Variants in GYPC observed in about 807,000 individuals in gnomAD.
GYPC encodes glycophorin C (Gerbich blood group).
GYPC carries 14 observed loss-of-function variants against 12.6 expected under a neutral mutation model. That is an observed-to-expected ratio of 1.11 (90% CI 0.74 to 1.74). The LOEUF is 1.74. GYPC is among the 40% of genes most tolerant of loss of function. The probability of loss-of-function intolerance (pLI) is 0.00; values close to 1 mark genes in which losing one functional copy is unlikely to be tolerated. For missense variants in GYPC, 225 were observed against 172.1 expected (o/e 1.31, Z -1.72); for synonymous variants, 78 against 62.1 (o/e 1.26, Z -1.20).
intron 1 of GYPC, among the ~76,000 whole-genome samples, chr2:126,679,213 A>G (rs950147089): frequency 2.6e-5 from 4 of 152,184 alleles, no homozygotes; most frequent in Non-Finnish European, 5.9e-5. Flanking sequence ...ACAGGGGCCA[A>G]ATGGTCTGAA....
At chr2:126,677,461 GACA>G (rs1273765370) in intron 1 of GYPC, among the ~76,000 whole-genome samples, 9 of 150,526 alleles carry the variant, frequency 6.0e-5, no homozygotes, top group African/African-American at 2.2e-4. Context: ...ATAAGAGTGT[GACA>G]GTGTGTGTGT....
At chr2:126,656,540 C>G (rs893270274) in intron 1 of GYPC, among the ~76,000 whole-genome samples, 12 of 152,274 alleles carry the variant, frequency 7.9e-5, no homozygotes, top group Admixed American at 3.3e-4. Context: ...CGCGCAGCCT[C>G]CACGCGCTCC....
intron 1 of GYPC, chr2:126,675,632 A>T (rs1269084405): frequency 2.2e-5 from 21 of 964,800 alleles, no homozygotes; most frequent in Non-Finnish European, 2.6e-5. Context: ...AAAACTCTAG[A>T]GAATCCCCTT....
At chr2:126,673,681 T>C (rs1354066658) in intron 1 of GYPC, among the ~76,000 whole-genome samples, 1 of 152,150 alleles carries the variant, frequency 6.6e-6, no homozygotes, top group Non-Finnish European at 1.5e-5. Flanking sequence ...CCGTGCCAAC[T>C]CCTCTTCTCA....
rs1683646243 is a variant in GYPC, at chr2:126,696,387, AC to A, written c.*246del. On this transcript the variant is annotated 3_prime_UTR_variant, in exon 4 of 4. Coordinates refer to ENST00000259254, the MANE Select transcript of GYPC (RefSeq NM_002101.5). ...CACCCCAGAGGCCACCTTTTGCTCC[AC>A]GGAGGTGGGAGAAAATCTGGGCACA... 3 of 505,064 alleles carry A rather than the reference AC, an allele frequency of 5.9e-6. No individual in the cohort carries two copies. The East Asian group carries it at 1.1e-4, about 19-fold the overall frequency. The allele number at this position is 505,064 out of a possible 1,614,324, so 31.3% of individuals were successfully genotyped here.
intron 1 of GYPC, among the ~76,000 whole-genome samples, chr2:126,664,075 T>C (rs1370792412): frequency 6.6e-6 from 1 of 151,768 alleles, no homozygotes. Context: ...AGGCCTTGCT[T>C]GATCATGCCC....
chr2:126,669,977 T>C (rs1265178623), intron 1 of GYPC, among the ~76,000 whole-genome samples: 1 of 152,162 alleles, frequency 6.6e-6, no homozygotes, highest in Non-Finnish European at 1.5e-5. Flanking sequence ...CCCAGGGCTG[T>C]GGGAACAGAG....
chr2:126,692,308 C>T (rs899613795), intron 2 of GYPC, among the ~76,000 whole-genome samples: 4 of 152,060 alleles, frequency 2.6e-5, no homozygotes, highest in South Asian at 2.1e-4. Context: ...CCCCAGACAC[C>T]CCTAGCTTGG....
intron 1 of GYPC, among the ~76,000 whole-genome samples, chr2:126,684,644 C>T (rs1467014748): frequency 6.6e-6 from 1 of 152,212 alleles, no homozygotes; most frequent in Non-Finnish European, 1.5e-5. Flanking sequence ...GTCGGTTACA[C>T]AGCGTGCTCC....
In GYPC at chr2:126,696,295, C is replaced by T. The variant is rs1683643361; in HGVS notation, c.*153C>T. 5 of 708,692 alleles carry T rather than the reference C, an allele frequency of 7.1e-6. No individual in the cohort carries two copies. The highest frequency in any genetic ancestry group is 6.2e-5 in the Admixed American group (3 of 48,522). The allele number at this position is 708,692 out of a possible 1,614,324, so 43.9% of individuals were successfully genotyped here. On this transcript the variant is annotated 3_prime_UTR_variant, in exon 4 of 4. Transcript: ENST00000259254. ...CCACCTGGAAACACTAGGTGCCTGC[C>T]CAGGGAGGAACGGAGGAGGACTCGC...
chr2:126,681,771 C>T lies in GYPC; in HGVS notation c.50-8484C>T, dbSNP rs1683154432. 6.2e-5 allele frequency among the ~76,000 whole-genome samples: 6 copies of T among 97,198 alleles called. No individual in the cohort carries two copies. The South Asian group carries it at 1.9e-3, about 32-fold the overall frequency. 63.8% of individuals were successfully genotyped at this position (97,198 alleles called of 152,430 possible). On this transcript the variant is annotated intron_variant, in intron 1 of 3. Coordinates refer to ENST00000259254, the MANE Select transcript of GYPC (RefSeq NM_002101.5). ...TCCAGCCTGGGCAACAGAGCAAAAA[C>T]TTCATCCAAAAAAAAAAAAAAAAGA...
chr2:126,691,909 T>A (rs1454854406), intron 2 of GYPC, among the ~76,000 whole-genome samples: 4 of 152,180 alleles, frequency 2.6e-5, no homozygotes, highest in African/African-American at 9.6e-5. Context: ...CATCCATGCC[T>A]ACTTAAGCAA....
chr2:126,670,773 G>T (rs1275936434), intron 1 of GYPC, among the ~76,000 whole-genome samples: 5 of 152,138 alleles, frequency 3.3e-5, no homozygotes, highest in African/African-American at 1.2e-4. Flanking sequence ...CAACAGGAGG[G>T]CTGCAAACTG....
chr2:126,657,271 T>C (rs549791747), intron 1 of GYPC, among the ~76,000 whole-genome samples: 2 of 152,342 alleles, frequency 1.3e-5, no homozygotes, highest in Non-Finnish European at 2.9e-5. Context: ...CGGCACTCCA[T>C]GTGCCTGTGG....
At chr2:126,656,613 CGGGGCATGTGAAATGTGT>C (rs1682364881) in intron 1 of GYPC, among the ~76,000 whole-genome samples, 1 of 152,250 alleles carries the variant, frequency 6.6e-6, no homozygotes, top group Non-Finnish European at 1.5e-5. Flanking sequence ...TTTCTTTGTG[CGGGGCATGTGAAATGTGT>C]GGGGCCAGAA....
At chr2:126,659,856 A>T (rs1419636185) in intron 1 of GYPC, among the ~76,000 whole-genome samples, 2 of 144,266 alleles carry the variant, frequency 1.4e-5, no homozygotes, top group East Asian at 4.1e-4. Context: ...ATCTCAGGTC[A>T]TTGCACCCTC....
intron 1 of GYPC, among the ~76,000 whole-genome samples, chr2:126,689,522 T>C (rs1358643585): frequency 1.3e-5 from 2 of 150,306 alleles, no homozygotes; most frequent in African/African-American, 4.9e-5. Context: ...TGGGGGATAG[T>C]TGAGTCACAG....
At chr2:126,674,247 C>T (rs1682930546) in intron 1 of GYPC, among the ~76,000 whole-genome samples, 1 of 152,192 alleles carries the variant, frequency 6.6e-6, no homozygotes, top group African/African-American at 2.4e-5. Context: ...GCAGGGGTAC[C>T]TGGTGGGCCT....
chr2:126,693,086 G>C (rs879914783), intron 2 of GYPC, among the ~76,000 whole-genome samples: 259 of 128,524 alleles, frequency 2.0e-3, no homozygotes, highest in African/African-American at 3.1e-3. Flanking sequence ...GTTGAAATCT[G>C]ATTCCCAAGG....
Sources: allele counts gnomAD v4.1 joint callset (sites outside exome capture counted in the v4.1 genomes callset), GRCh38; gene constraint gnomAD v4.1.1; transcripts MANE v1.5; gene names NCBI Gene and HGNC (gene_info 2026-07-23, HGNC 2026-07-21).